Variants in GALNT3 observed in about 807,000 individuals in gnomAD.
GALNT3 encodes GalNAc transferase 3.
GALNT3 carries 51 observed loss-of-function variants against 69.8 expected under a neutral mutation model. That is an observed-to-expected ratio of 0.73 (90% confidence interval 0.58 to 0.92). The LOEUF (loss-of-function observed/expected upper bound fraction) is 0.92. GALNT3 is among the 40% of genes least tolerant of loss of function. GALNT3 has a pLI of 0.00. For missense variants in GALNT3, 711 were observed against 760.0 expected, an observed-to-expected ratio of 0.94 and a Z score of 0.76; for synonymous variants, 265 against 248.5, an observed-to-expected ratio of 1.07 and a Z score of -0.63.
chr2:165,764,830 T>C, intron 3 of GALNT3, 54 bp downstream of exon 3: 1 of 1,573,850 alleles, frequency 6.4e-7, no homozygotes, highest in Non-Finnish European at 8.7e-7. Context: ...AAGTAGACTG[T>C]AGATACCACA....
intron 7 of GALNT3, among the ~76,000 whole-genome samples, chr2:165,755,796 AAGAAAAT>A (rs1376753056): frequency 3.3e-5 from 5 of 152,206 alleles, no homozygotes; most frequent in Non-Finnish European, 7.4e-5. Flanking sequence ...AGTTCAACTA[AAGAAAAT>A]ATTTTCTTAT....
chr2:165,767,211 C>T (rs1016449337), intron 2 of GALNT3, among the ~76,000 whole-genome samples: 1 of 150,776 alleles, frequency 6.6e-6, no homozygotes, highest in Non-Finnish European at 1.5e-5. Flanking sequence ...TTATAACCAA[C>T]ATAAACTAGA....
At chr2:165,752,675 TTAAGA>T (rs1310334326) in intron 9 of GALNT3, among the ~76,000 whole-genome samples, 3 of 152,116 alleles carry the variant, frequency 2.0e-5, no homozygotes, top group Non-Finnish European at 4.4e-5. Context: ...TCTTCAGCTT[TTAAGA>T]TAAAATAAAT....
In GALNT3 at chr2:165,770,553, A is replaced by G. The variant is rs752663525; in HGVS notation, c.148T>C (p.Ser50Pro). ...TTTTTCATGTTCCTTTCCATCCTTG[A>G]TTCCTCTTTGGAATATTGAACACTT... ...EVSVQYSKEE[S>P]RMERNMKNKN... The change falls in exon 2 of 11, where the codon TCA becomes CCA. Residue 50 changes from serine to proline, a missense_variant. By Grantham distance (74) the Ser-to-Pro change is moderately conservative. Coordinates refer to ENST00000392701, the MANE Select transcript of GALNT3 (RefSeq NM_004482.4). 1.4e-5 allele frequency: 22 copies of G among 1,613,926 alleles called. No homozygotes were observed. The highest frequency in any genetic ancestry group is 1.8e-5 in the Non-Finnish European group (21 of 1,179,946).
At chr2:165,791,282 T>C (rs1683342822) in intron 1 of GALNT3, among the ~76,000 whole-genome samples, 1 of 151,514 alleles carries the variant, frequency 6.6e-6, no homozygotes, top group South Asian at 2.1e-4. Context: ...TGTGTGTGTA[T>C]ACGCATGTAT....
At chr2:165,763,244 A>G (rs1199705423) in intron 3 of GALNT3, among the ~76,000 whole-genome samples, 1 of 152,212 alleles carries the variant, frequency 6.6e-6, no homozygotes, top group Non-Finnish European at 1.5e-5. Context: ...AAGAAAATCA[A>G]TAAATGTCCT....
At chr2:165,774,111 A>G (rs1235955338) in intron 1 of GALNT3, among the ~76,000 whole-genome samples, 3 of 152,214 alleles carry the variant, frequency 2.0e-5, no homozygotes, top group African/African-American at 4.8e-5. Context: ...GGGGTCTCAC[A>G]GGAAAGTGGT....
At chr2:165,769,437 T>TAATA (rs1553493957) in intron 2 of GALNT3, among the ~76,000 whole-genome samples, 36 of 118,004 alleles carry the variant, frequency 3.1e-4, no homozygotes, top group Middle Eastern at 0.01. Context: ...ATAATAATAA[T>TAATA]AATAAATAAA....
chr2:165,761,387 T>C (rs534576454), intron 4 of GALNT3, among the ~76,000 whole-genome samples: 3 of 152,202 alleles, frequency 2.0e-5, no homozygotes, highest in South Asian at 4.1e-4. Context: ...AATTTTTGTA[T>C]TTTTAGTAGA....
At chr2:165,750,629 A>G (rs971622707) in intron 9 of GALNT3, among the ~76,000 whole-genome samples, 1 of 152,156 alleles carries the variant, frequency 6.6e-6, no homozygotes. Context: ...CCAGCAATCC[A>G]ATCTGCTGCC....
intron 4 of GALNT3, among the ~76,000 whole-genome samples, chr2:165,760,954 A>G (rs1308910117): frequency 6.6e-6 from 1 of 152,208 alleles, no homozygotes; most frequent in Non-Finnish European, 1.5e-5. Flanking sequence ...AACAGCAGCA[A>G]AGTCAAACAA....
chr2:165,777,249 C>T (rs1559004823), intron 1 of GALNT3, among the ~76,000 whole-genome samples: 1 of 152,026 alleles, frequency 6.6e-6, no homozygotes, highest in Non-Finnish European at 1.5e-5. Flanking sequence ...TGAGTTAAGG[C>T]ATGCTGTAAA....
In GALNT3 at chr2:165,748,861, C is replaced by T. The variant is rs1487328818; in HGVS notation, c.1822G>A (p.Ala608Thr). ...ACTAAACTTGGATGCTCTCCATTTG[C>T]TGAAAGGCACATTTTTAAGAATGGA... ...YNPFLKMCLS[A>T]NGEHPSLVSC... is the part of the protein sequence containing the mutation. Residue 608 changes from alanine to threonine, a missense_variant, in exon 11 of 11, where the codon GCA (alanine) becomes ACA (threonine). By Grantham distance (58) the Ala-to-Thr change is moderately conservative. Transcript: ENST00000392701. 1 of 1,610,946 alleles carries T rather than the reference C, an allele frequency of 6.2e-7. No homozygotes were observed. Among genetic ancestry groups the T allele is most frequent in the Non-Finnish European group, 8.5e-7 (1 of 1,177,980 alleles).
At chr2:165,792,489 T>C (rs887068819) in intron 1 of GALNT3, among the ~76,000 whole-genome samples, 6 of 152,244 alleles carry the variant, frequency 3.9e-5, no homozygotes, top group African/African-American at 1.4e-4. Context: ...AAAGTGGTGA[T>C]TGAATTAATA....
chr2:165,768,712 C>T (rs920918812), intron 2 of GALNT3, among the ~76,000 whole-genome samples: 2 of 151,782 alleles, frequency 1.3e-5, no homozygotes, highest in Middle Eastern at 3.4e-3. Context: ...AAGTTCACTG[C>T]CAAATGTAAT....
chr2:165,758,683 C>T lies in GALNT3; in HGVS notation c.1191+64G>A, dbSNP rs560142890. The T allele has an allele frequency of 4.3e-5, 45 of 1,044,546 alleles. No homozygotes were observed. In the African/African-American group the frequency reaches 4.9e-4, roughly 11 times the overall value. 64.7% of individuals were successfully genotyped at this position (1,044,546 alleles called of 1,614,324 possible). ...CACATCTGTAATCATATGTACCAGC[C>T]GATTAGAACACAATATATTTCATTG... On this transcript the variant is annotated intron_variant, in intron 6 of 10. Transcript: ENST00000392701.
chr2:165,754,754 A>G (rs367733060), intron 8 of GALNT3, 26 bp from the exon 9 acceptor site: 32 of 1,533,874 alleles, frequency 2.1e-5, no homozygotes, highest in Non-Finnish European at 2.8e-5. Context: ...CAAGTTATGA[A>G]AAGTTTTTTA....
At chr2:165,788,787 C>T (rs141493695) in intron 1 of GALNT3, among the ~76,000 whole-genome samples, 174 of 152,050 alleles carry the variant, frequency 1.1e-3, no homozygotes, top group African/African-American at 3.9e-3. Context: ...AATAAAATTT[C>T]GGCTTATGGA....
At chr2:165,758,697 T>A (rs777285604) in intron 6 of GALNT3, 50 bp downstream of exon 6, 2 of 1,130,574 alleles carry the variant, frequency 1.8e-6, no homozygotes, top group East Asian at 4.7e-5. Context: ...TAGAACACAA[T>A]ATATTTCATT....
Sources: allele counts gnomAD v4.1 joint callset (sites outside exome capture counted in the v4.1 genomes callset), GRCh38; gene constraint gnomAD v4.1.1; transcripts MANE v1.5; gene names NCBI Gene and HGNC (gene_info 2026-07-23, HGNC 2026-07-21).